Variants in PRKAG2 observed in about 807,000 individuals in gnomAD.
PRKAG2 encodes 5'-AMP-activated protein kinase subunit gamma-2.
PRKAG2 carries 26 observed loss-of-function variants against 69.6 expected under a neutral mutation model. The ratio of observed to expected loss-of-function variants is 0.37; its 90% CI spans 0.27 to 0.52. The LOEUF (loss-of-function observed/expected upper bound fraction) is 0.52. PRKAG2 is among the 20% of genes least tolerant of loss of function. The pLI is 0.90. For missense variants in PRKAG2, 557 were observed against 740.0 expected (o/e 0.75, Z 2.87); for synonymous variants, 293 against 285.0 (o/e 1.03, Z -0.28).
intron 1 of PRKAG2, among the ~76,000 whole-genome samples, chr7:151,869,864 AGGTTCCCATAGCATACTCTGG>A (rs1374612951): frequency 6.6e-6 from 1 of 152,160 alleles, no homozygotes; most frequent in African/African-American, 2.4e-5. Context: ...TGACTACTGA[AGGTTCCCATAGCATACTCTGG>A]GCCCTATTGG....
chr7:151,679,366 C>T (rs1361795105), intron 3 of PRKAG2, among the ~76,000 whole-genome samples: 3 of 152,168 alleles, frequency 2.0e-5, no homozygotes. Flanking sequence ...GCAACAAAGT[C>T]TCCAGCAGGG....
At chr7:151,584,452 A>G (rs563765478) in intron 6 of PRKAG2, among the ~76,000 whole-genome samples, 1 of 152,252 alleles carries the variant, frequency 6.6e-6, no homozygotes, top group East Asian at 1.9e-4. Context: ...CCAGTTTTAC[A>G]CAGATCTCAC....
In PRKAG2 at chr7:151,752,757, C is replaced by T. The variant is rs573085967; in HGVS notation, c.466+28395G>A. Among the ~76,000 whole-genome samples the T allele has an allele frequency of 6.5e-4, 99 of 152,280 alleles. 1 individual carries two copies. The highest frequency in any genetic ancestry group is 1.1e-3 in the Non-Finnish European group (73 of 68,030). ...CGCCTTTTGGTAATTACTATAGTAA[C>T]AATTCAGGCAAGAAATACATATCAA... On this transcript the variant is annotated intron_variant, in intron 3 of 15. Coordinates refer to ENST00000287878, the MANE Select transcript of PRKAG2 (RefSeq NM_016203.4).
intron 4 of PRKAG2, among the ~76,000 whole-genome samples, chr7:151,645,400 C>T (rs1045619145): frequency 4.6e-5 from 7 of 152,124 alleles, no homozygotes; most frequent in African/African-American, 1.2e-4. Context: ...GCTGAGCCTT[C>T]GGATGAGACC....
At chr7:151,703,868 AC>A (rs1366494172) in intron 3 of PRKAG2, among the ~76,000 whole-genome samples, 3 of 131,316 alleles carry the variant, frequency 2.3e-5, no homozygotes, top group Non-Finnish European at 4.9e-5. Flanking sequence ...ACACACACAC[AC>A]ACACACACAC....
chr7:151,718,015 G>C lies in PRKAG2; in HGVS notation c.467-42378C>G, dbSNP rs537398669. On this transcript the variant is annotated intron_variant, in intron 3 of 15. Transcript: ENST00000287878. ...GTGGGGGGAAGGGGCTCTGATGTGA[G>C]GGTCGTCCTGGGCCAGACTCAGCTT... Among the ~76,000 whole-genome samples, 348 of 152,330 alleles carry C rather than the reference G, an allele frequency of 2.3e-3. 1 individual carries two copies. Among genetic ancestry groups the C allele is most frequent in the African/African-American group, 8.0e-3 (332 of 41,588 alleles).
rs2080415008 is a variant in PRKAG2 at position 151,876,746 on chromosome 7, C to T, written c.-126G>A. ...ACACCCTGAAGCCACCTCGTGGGGA[C>T]TTCCGCGGAGAGGGAGGGTGAGCAG... On this transcript the variant is annotated 5_prime_UTR_variant, in exon 1 of 16. Transcript: ENST00000287878. The T allele has an allele frequency of 2.2e-6, 2 of 928,090 alleles. No homozygotes were observed. Among genetic ancestry groups the T allele is most frequent in the Non-Finnish European group, 3.4e-6 (2 of 592,388 alleles). The allele number at this position is 928,090 out of a possible 1,614,324, so 57.5% of individuals were successfully genotyped here.
intron 5 of PRKAG2, among the ~76,000 whole-genome samples, chr7:151,626,518 T>A (rs551170075): frequency 6.6e-6 from 1 of 152,088 alleles, no homozygotes; most frequent in African/African-American, 2.4e-5. Context: ...AGGGTAGAGT[T>A]TGGAAAGCAG....
chr7:151,695,827 C>T (rs1159788014), intron 3 of PRKAG2, among the ~76,000 whole-genome samples: 1 of 152,120 alleles, frequency 6.6e-6, no homozygotes, highest in Admixed American at 6.5e-5. Context: ...CTGTCCCTGG[C>T]CTACAGACCT....
chr7:151,824,690 G>A lies in PRKAG2; in HGVS notation c.115-38149C>T, dbSNP rs181795820. 3.0e-3 allele frequency among the ~76,000 whole-genome samples: 462 copies of A among 152,234 alleles called. 9 individuals are homozygous for A. The highest frequency in any genetic ancestry group is 0.025 in the Admixed American group (385 of 15,302). ...ACAGGAACTGCTCCTTCAGCCTGCG[G>A]TTCCCAAAATTAACAGGACACAAAG... is the stretch of plus-strand genomic sequence containing the variant. On this transcript the variant is annotated intron_variant, in intron 1 of 15. Coordinates refer to ENST00000287878, the MANE Select transcript of PRKAG2 (RefSeq NM_016203.4).
At chr7:151,657,855 TTG>T (rs1381510637) in intron 4 of PRKAG2, among the ~76,000 whole-genome samples, 3 of 152,200 alleles carry the variant, frequency 2.0e-5, no homozygotes, top group African/African-American at 7.2e-5. Flanking sequence ...ATAAACAATA[TTG>T]TGTTTAAAGA....
rs2151795688 is a variant in PRKAG2 at position 151,777,328 on chromosome 7, G to A, written c.466+3824C>T. 6.6e-6 allele frequency among the ~76,000 whole-genome samples: 1 copy of A among 152,332 alleles called. No homozygotes were observed. Among genetic ancestry groups the A allele is most frequent in the Admixed American group, 6.5e-5 (1 of 15,308 alleles). On this transcript the variant is annotated intron_variant, in intron 3 of 15. Transcript: ENST00000287878. This position sits in a 1 kb window ranked among gnomAD's most constrained non-coding sequence, Gnocchi z 4.3. ...GAGATCCAGAGGGGCTGGGAGTCTT[G>A]GATCCACCTCTGATAGAGGTTGAGT...
At chr7:151,680,624 C>G (rs896733301) in intron 3 of PRKAG2, among the ~76,000 whole-genome samples, 20 of 152,218 alleles carry the variant, frequency 1.3e-4, no homozygotes, top group African/African-American at 4.3e-4. Context: ...ATTTTTCAAA[C>G]TTTCTATCAT....
intron 3 of PRKAG2, among the ~76,000 whole-genome samples, chr7:151,749,167 C>T (rs2074501168): frequency 6.6e-6 from 1 of 151,916 alleles, no homozygotes; most frequent in South Asian, 2.1e-4. Flanking sequence ...AAAGATCAAA[C>T]TCAGAAAAGG....
At chr7:151,755,177 G>A (rs1464375100) in intron 3 of PRKAG2, among the ~76,000 whole-genome samples, 1 of 152,184 alleles carries the variant, frequency 6.6e-6, no homozygotes, top group Admixed American at 6.5e-5. Context: ...GAAGGCTGGC[G>A]AGGTGGTGCT....
intron 1 of PRKAG2, among the ~76,000 whole-genome samples, chr7:151,831,438 C>A (rs995565141): frequency 2.0e-5 from 3 of 152,098 alleles, no homozygotes; most frequent in Non-Finnish European, 2.9e-5. Context: ...CATGGACGAA[C>A]CTTAAAAATA....
intron 1 of PRKAG2, among the ~76,000 whole-genome samples, chr7:151,857,896 T>A (rs564729641): frequency 2.0e-5 from 3 of 152,224 alleles, no homozygotes; most frequent in Non-Finnish European, 4.4e-5. Flanking sequence ...TAGGAAGGAA[T>A]GGGGCATAGG....
Position 151,850,379 on chromosome 7 carries a change from T to C in PRKAG2, c.114+26128A>G, listed in dbSNP as rs1468758499. 9.2e-5 allele frequency among the ~76,000 whole-genome samples: 14 copies of C among 152,330 alleles called. No individual in the cohort carries two copies. The South Asian group carries it at 2.9e-3, about 32-fold the overall frequency. ...CTCCGAAGTAACCCTGCTCAGCTAA[T>C]AGGTTATTTCCTCATCTTAGAAAGG... On this transcript the variant is annotated intron_variant, in intron 1 of 15. Coordinates refer to ENST00000287878, the MANE Select transcript of PRKAG2 (RefSeq NM_016203.4). The surrounding 1 kb of genome is among the most constrained non-coding windows in gnomAD (Gnocchi z 4.1).
At chr7:151,863,891 A>G (rs1446248928) in intron 1 of PRKAG2, among the ~76,000 whole-genome samples, 1 of 111,642 alleles carries the variant, frequency 9.0e-6, no homozygotes, top group East Asian at 2.7e-4. Flanking sequence ...ACTACAGAGC[A>G]AAACCCTGTC....
Sources: gnomAD v4.1 joint callset for allele counts (sites outside exome capture counted in the v4.1 genomes callset) on GRCh38, gnomAD v4.1.1 for gene constraint, Gnocchi (gnomAD v3.1) non-coding constraint, MANE v1.5 for transcripts, NCBI Gene and HGNC (gene_info 2026-07-23, HGNC 2026-07-21) for gene names.